The following DNAJC8 variants were observed in gnomAD, a reference collection of about 807,000 sequenced individuals.
The protein encoded by DNAJC8 is DnaJ heat shock protein family (Hsp40) member C8, also known as dnaJ homolog subfamily C member 8.
DNAJC8 carries 24 observed loss-of-function variants against 43.2 expected under a neutral mutation model. The ratio of observed to expected loss-of-function variants is 0.56; its 90% CI spans 0.40 to 0.78. The LOEUF (loss-of-function observed/expected upper bound fraction) is 0.78. DNAJC8 is among the 30% of genes least tolerant of loss of function. DNAJC8 has a pLI of 0.00. For synonymous variants in DNAJC8, 83 were observed against 98.0 expected, an observed-to-expected ratio of 0.85 and a Z score of 0.90; for missense variants, 207 against 299.4, an observed-to-expected ratio of 0.69 and a Z score of 2.28.
rs369224119 is a variant in DNAJC8 at position 28,204,313 on chromosome 1, G to C, written c.564-491C>G. ...AAACAAAACTCGGCCGGATGTAGCG[G>C]CTCATGCCTGTAACGCCAGCACTTT... On this transcript the variant is annotated intron_variant, in intron 7 of 8. Coordinates refer to ENST00000263697, the MANE Select transcript of DNAJC8 (RefSeq NM_014280.3). Among the ~76,000 whole-genome samples, 48 of 152,342 alleles carry C rather than the reference G, an allele frequency of 3.2e-4. 3 individuals carry two copies. The highest frequency in any genetic ancestry group is 1.8e-3 in the Admixed American group (28 of 15,298).
chr1:28,222,937 G>A (rs1646908792), intron 2 of DNAJC8, among the ~76,000 whole-genome samples: 1 of 152,182 alleles, frequency 6.6e-6, no homozygotes, highest in African/African-American at 2.4e-5. Context: ...CAGGGCCCAA[G>A]AGGGATGAGG....
chr1:28,203,351 T>A (rs975327139), intron 8 of DNAJC8, among the ~76,000 whole-genome samples: 13 of 152,112 alleles, frequency 8.5e-5, no homozygotes, highest in Admixed American at 5.2e-4. Flanking sequence ...GCACAAGAAC[T>A]TCAGCATCTA....
chr1:28,205,663 A>G (rs538040952), intron 6 of DNAJC8, among the ~76,000 whole-genome samples: 4 of 152,320 alleles, frequency 2.6e-5, no homozygotes, highest in African/African-American at 9.6e-5. Context: ...CAAGGTGGGC[A>G]GATCACCTGA....
chr1:28,230,069 GAAA>G (rs1197289845), intron 1 of DNAJC8: 2 of 151,754 alleles, frequency 1.3e-5, no homozygotes, highest in African/African-American at 2.4e-5. Flanking sequence ...GCAACATGGC[GAAA>G]CCCCATCTCT....
chr1:28,233,014 A>C lies in DNAJC8; in HGVS notation c.-16T>G. ...AAGCCGCCATTTCCCCGGCCCAGCC[A>C]CCACGTGACCCTTCTGCGCAGGCGT... On this transcript the variant is annotated 5_prime_UTR_variant, in exon 1 of 9. Coordinates refer to ENST00000263697, the MANE Select transcript of DNAJC8 (RefSeq NM_014280.3). The C allele has an allele frequency of 6.2e-7, 1 of 1,610,478 alleles. No individual in the cohort carries two copies. Among genetic ancestry groups the C allele is most frequent in the Non-Finnish European group, 8.5e-7 (1 of 1,179,958 alleles).
chr1:28,218,979 A>T (rs1473389345), intron 2 of DNAJC8, among the ~76,000 whole-genome samples: 2 of 152,168 alleles, frequency 1.3e-5, no homozygotes, highest in African/African-American at 4.8e-5. Flanking sequence ...AAGTCCAACA[A>T]ATCCCAGAAG....
chr1:28,203,219 T>C (rs566205745), intron 8 of DNAJC8, among the ~76,000 whole-genome samples: 3 of 152,142 alleles, frequency 2.0e-5, no homozygotes, highest in South Asian at 2.1e-4. Context: ...CTAAACCCTA[T>C]AGAAGAAAAG....
chr1:28,208,454 C>T (rs1335275529), intron 5 of DNAJC8, 41 bp from the exon 6 acceptor site: 2 of 1,469,964 alleles, frequency 1.4e-6, no homozygotes, highest in East Asian at 4.7e-5. Context: ...AGCATCTGTG[C>T]TTTGAGAATA....
chr1:28,206,936 G>A lies in DNAJC8; in HGVS notation c.471+1406C>T, dbSNP rs114677530. Among the ~76,000 whole-genome samples, 615 of 152,292 alleles carry A rather than the reference G, an allele frequency of 4.0e-3. 7 individuals are homozygous for A. The highest frequency in any genetic ancestry group is 0.014 in the African/African-American group (596 of 41,536). On this transcript the variant is annotated intron_variant, in intron 6 of 8. Transcript: ENST00000263697. The stretch of plus-strand genomic sequence containing the variant: ...TAAAGACAAACATCAAAGGGATAAA[G>A]GAGTCTGTAATGAATAGCTCAGTAT...
intron 2 of DNAJC8, among the ~76,000 whole-genome samples, chr1:28,217,808 A>G (rs1646869419): frequency 6.6e-6 from 1 of 151,840 alleles, no homozygotes; most frequent in Non-Finnish European, 1.5e-5. Context: ...TAATTCATAA[A>G]CCCTGATTGA....
intron 1 of DNAJC8, among the ~76,000 whole-genome samples, chr1:28,229,930 C>G (rs1245454174): frequency 1.3e-5 from 2 of 151,996 alleles, no homozygotes; most frequent in African/African-American, 2.4e-5. Flanking sequence ...AACTCCACCA[C>G]CTAATTCTAA....
Position 28,232,859 on chromosome 1 carries a change from C to T in DNAJC8, c.78+62G>A. Reference sequence around the variant, plus strand: ...AGGCCAGGCGGCCACTGCCTTTGTCCACTGGGAAAGCAGATCCGGGAGCGG... The same window carrying T: ...AGGCCAGGCGGCCACTGCCTTTGTCTACTGGGAAAGCAGATCCGGGAGCGG... On this transcript the variant is annotated intron_variant, in intron 1 of 8. Transcript: ENST00000263697. 1.9e-6 allele frequency: 3 copies of T among 1,573,990 alleles called. No individual in the cohort carries two copies. In the East Asian group the frequency reaches 6.7e-5, roughly 35 times the overall value.
chr1:28,221,832 GAAC>G (rs371479633), intron 2 of DNAJC8, among the ~76,000 whole-genome samples: 129 of 152,202 alleles, frequency 8.5e-4, no homozygotes, highest in African/African-American at 2.8e-3. Context: ...CTAAGATGTA[GAAC>G]AACCCATGTC....
chr1:28,219,466 G>A (rs1646884210), intron 2 of DNAJC8, among the ~76,000 whole-genome samples: 1 of 152,132 alleles, frequency 6.6e-6, no homozygotes, highest in Admixed American at 6.6e-5. Context: ...CCGAGATCGT[G>A]CCACTGCACT....
chr1:28,221,528 A>G (rs906536624), intron 2 of DNAJC8, among the ~76,000 whole-genome samples: 25 of 152,154 alleles, frequency 1.6e-4, no homozygotes, highest in African/African-American at 6.0e-4. Flanking sequence ...AATAACTAAT[A>G]GGGCACTAAA....
chr1:28,230,457 C>T (rs1338402889), intron 1 of DNAJC8, among the ~76,000 whole-genome samples: 1 of 152,140 alleles, frequency 6.6e-6, no homozygotes, highest in Non-Finnish European at 1.5e-5. Context: ...GTGGCTTATG[C>T]CTGTAATCCC....
chr1:28,213,754 A>G (rs1387746102), intron 3 of DNAJC8, among the ~76,000 whole-genome samples: 1 of 152,260 alleles, frequency 6.6e-6, no homozygotes, highest in Admixed American at 6.5e-5. Flanking sequence ...ACGGTGGCTC[A>G]TGCCTGTAAT....
At chr1:28,226,113 A>T (rs1330715559) in intron 2 of DNAJC8, among the ~76,000 whole-genome samples, 1 of 151,436 alleles carries the variant, frequency 6.6e-6, no homozygotes, top group Non-Finnish European at 1.5e-5. Flanking sequence ...CAGATACAAA[A>T]ATATTCACTT....
In DNAJC8 at chr1:28,201,004, G is replaced by A. The variant is rs1371375596; in HGVS notation, c.*244C>T. On this transcript the variant is annotated 3_prime_UTR_variant, in exon 9 of 9. Coordinates refer to ENST00000263697, the MANE Select transcript of DNAJC8 (RefSeq NM_014280.3). ...GTGGGAAGAGAAGGCAGCACCAATGGTGGCACCTTCTAATACTGGTTGTTC... is the reference window on the plus strand; with the variant it reads ...GTGGGAAGAGAAGGCAGCACCAATGATGGCACCTTCTAATACTGGTTGTTC... The A allele has an allele frequency of 3.9e-6, 2 of 517,926 alleles. No individual in the cohort carries two copies. Among genetic ancestry groups the A allele is most frequent in the African/African-American group, 3.9e-5 (2 of 51,916 alleles). The allele number at this position is 517,926 out of a possible 1,614,324, so 32.1% of individuals were successfully genotyped here. A position where few individuals can be genotyped will look rare whatever the true frequency, so the allele number is the denominator to read the frequency against.
Sources: allele counts gnomAD v4.1 joint callset (sites outside exome capture counted in the v4.1 genomes callset), GRCh38; gene constraint gnomAD v4.1.1; transcripts MANE v1.5; gene names NCBI Gene and HGNC (gene_info 2026-07-23, HGNC 2026-07-21).